Variants in ADAMTSL1 observed in about 807,000 individuals in gnomAD.
ADAMTSL1 encodes the protein ADAMTS-like protein 1.
ADAMTSL1 carries 126 observed loss-of-function variants against 201.8 expected under a neutral mutation model. The observed-to-expected ratio is 0.62, with a 90% CI of 0.54 to 0.72. The LOEUF is 0.72. Ranked by LOEUF, ADAMTSL1 falls within the 30% of genes least tolerant of loss-of-function variation. The pLI, the probability that ADAMTSL1 is intolerant of heterozygous loss-of-function variation, is 0.00. For missense variants in ADAMTSL1, 2,679 were observed against 2,277.8 expected (o/e 1.18, Z -3.59); for synonymous variants, 1,121 against 903.4 (o/e 1.24, Z -4.32).
chr9:18,525,541 T>A (rs1818982850), intron 2 of ADAMTSL1, among the ~76,000 whole-genome samples: 2 of 152,354 alleles, frequency 1.3e-5, no homozygotes, highest in South Asian at 4.1e-4. Context: ...TGTTAGGGTG[T>A]CAATTTTAGA....
At chr9:18,285,615 T>A (rs983985826) in intron 2 of ADAMTSL1, among the ~76,000 whole-genome samples, 2 of 152,134 alleles carry the variant, frequency 1.3e-5, no homozygotes, top group African/African-American at 4.8e-5. Flanking sequence ...AAATTATATA[T>A]AAGGAACCTT....
intron 24 of ADAMTSL1, 30 bp downstream of exon 24, chr9:18,888,073 G>C (rs776572476): frequency 1.3e-6 from 2 of 1,596,278 alleles, no homozygotes; most frequent in Non-Finnish European, 1.7e-6. Flanking sequence ...TTGCATACTG[G>C]ACTTGAACAA....
At chr9:18,610,058 G>A (rs1825279121) in intron 4 of ADAMTSL1, among the ~76,000 whole-genome samples, 1 of 152,094 alleles carries the variant, frequency 6.6e-6, no homozygotes, top group Non-Finnish European at 1.5e-5. Context: ...AAATAATGAT[G>A]TTCCAGGGTA....
At chr9:18,694,555 C>A (rs527926894) in intron 13 of ADAMTSL1, among the ~76,000 whole-genome samples, 4 of 152,306 alleles carry the variant, frequency 2.6e-5, no homozygotes, top group East Asian at 3.9e-4. Context: ...AGAAACCCAG[C>A]AGGGCGGTCA....
chr9:18,772,694 C>A (rs1820764377), intron 17 of ADAMTSL1, among the ~76,000 whole-genome samples: 1 of 152,090 alleles, frequency 6.6e-6, no homozygotes, highest in Non-Finnish European at 1.5e-5. Flanking sequence ...TTTGTGCCTA[C>A]TAAAAGTGAA....
chr9:18,264,002 T>C (rs1336982603), intron 2 of ADAMTSL1, among the ~76,000 whole-genome samples: 1 of 152,206 alleles, frequency 6.6e-6, no homozygotes, highest in Non-Finnish European at 1.5e-5. Context: ...CTGGACATTT[T>C]AATTAAATTA....
chr9:18,380,538 A>T (rs1307703605), intron 2 of ADAMTSL1, among the ~76,000 whole-genome samples: 4 of 152,050 alleles, frequency 2.6e-5, no homozygotes, highest in African/African-American at 9.7e-5. Context: ...GTTATAAATA[A>T]TTTTTTACTC....
At chr9:18,837,963 T>G (rs1455660191) in intron 23 of ADAMTSL1, among the ~76,000 whole-genome samples, 1 of 152,194 alleles carries the variant, frequency 6.6e-6, no homozygotes, top group African/African-American at 2.4e-5. Flanking sequence ...ATCCTGTCAC[T>G]GGCTTAGGCC....
At position 18,817,143 on chromosome 9, in the gene ADAMTSL1, G is replaced by A; in HGVS notation, c.3840G>A (p.Val1280=). The A allele has an allele frequency of 1.9e-6, 3 of 1,603,532 alleles. No homozygotes were observed. The highest frequency in any genetic ancestry group is 2.6e-6 in the Non-Finnish European group (3 of 1,175,016). ...KPLVKTSRMT[V]INTEKPAVTV... Reference sequence around the variant, plus strand: ...TAGTGAAAACGTCACGAATGACAGTGATCAACACGGAGAAGCCTGCAGTCA... The same window carrying A: ...TAGTGAAAACGTCACGAATGACAGTAATCAACACGGAGAAGCCTGCAGTCA... The change falls in exon 21 of 29, where the codon GTG becomes GTA. Residue 1280 remains valine (V), a synonymous_variant. Coordinates refer to ENST00000380548, the MANE Select transcript of ADAMTSL1 (RefSeq NM_001040272.6).
At chr9:18,683,046 T>A (rs1160637756) in intron 12 of ADAMTSL1, among the ~76,000 whole-genome samples, 1 of 152,196 alleles carries the variant, frequency 6.6e-6, no homozygotes. Context: ...TTTTAACTCC[T>A]GACTATCGTC....
intron 3 of ADAMTSL1, among the ~76,000 whole-genome samples, chr9:18,567,901 C>T (rs1327504688): frequency 6.6e-6 from 1 of 152,058 alleles, no homozygotes. Context: ...ATTTTTCTAA[C>T]AATATGCTGT....
intron 4 of ADAMTSL1, among the ~76,000 whole-genome samples, chr9:18,589,295 T>C (rs1823755334): frequency 6.6e-6 from 1 of 152,184 alleles, no homozygotes; most frequent in Non-Finnish European, 1.5e-5. Flanking sequence ...CTCTCACTTC[T>C]TTGGTTAAAT....
chr9:18,817,667 G>T (rs915293026), intron 21 of ADAMTSL1, among the ~76,000 whole-genome samples: 15 of 152,192 alleles, frequency 9.9e-5, no homozygotes, highest in African/African-American at 3.6e-4. Context: ...AAAGAGCCAT[G>T]CTTCCAAAAG....
In ADAMTSL1 at chr9:18,777,682, G is replaced by A. The variant is rs1420383656; in HGVS notation, c.3453G>A (p.Gly1151=). ...GCTCCCTGCGGACCTCCTCCACCGG[G>A]GACGCCGGGGGAGGCTCTCGAAGGC... is the stretch of plus-strand genomic sequence containing the variant. ...FSSSLRTSST[G]DAGGGSRRPH... The change falls in exon 19 of 29, where the codon GGG becomes GGA. Residue 1151 remains glycine, a synonymous_variant. Coordinates refer to ENST00000380548, the MANE Select transcript of ADAMTSL1 (RefSeq NM_001040272.6). The A allele has an allele frequency of 1.2e-6, 2 of 1,613,406 alleles. No homozygotes were observed. Among genetic ancestry groups the A allele is most frequent in the Non-Finnish European group, 1.7e-6 (2 of 1,179,758 alleles).
chr9:18,765,724 T>A (rs1480507366), intron 16 of ADAMTSL1, among the ~76,000 whole-genome samples: 2 of 152,226 alleles, frequency 1.3e-5, no homozygotes, highest in African/African-American at 4.8e-5. Flanking sequence ...AAGTTTTAAG[T>A]GAAATTCTCA....
intron 1 of ADAMTSL1, among the ~76,000 whole-genome samples, chr9:17,940,108 G>A (rs543564137): frequency 2.0e-5 from 3 of 152,222 alleles, no homozygotes; most frequent in South Asian, 2.1e-4. Context: ...ATAGTCAGGT[G>A]GTAGGTTAGA....
chr9:18,273,615 C>T (rs1268672079), intron 2 of ADAMTSL1, among the ~76,000 whole-genome samples: 2 of 152,158 alleles, frequency 1.3e-5, no homozygotes, highest in East Asian at 1.9e-4. Flanking sequence ...TAGTCCTCGG[C>T]ATCATTCTTA....
At chr9:18,365,653 A>G (rs574295712) in intron 2 of ADAMTSL1, among the ~76,000 whole-genome samples, 1 of 152,322 alleles carries the variant, frequency 6.6e-6, no homozygotes, top group African/African-American at 2.4e-5. Context: ...GAAGGGAAAA[A>G]TTGGGAGATC....
At chr9:18,892,988 T>C (rs1426898226) in intron 26 of ADAMTSL1, among the ~76,000 whole-genome samples, 1 of 151,628 alleles carries the variant, frequency 6.6e-6, no homozygotes, top group Non-Finnish European at 1.5e-5. Flanking sequence ...TTTTTGGCCA[T>C]AGAGTTCACG....
Sources: allele counts gnomAD v4.1 joint callset (sites outside exome capture counted in the v4.1 genomes callset), GRCh38; gene constraint gnomAD v4.1.1; transcripts MANE v1.5; gene names NCBI Gene and HGNC (gene_info 2026-07-23, HGNC 2026-07-21).